ZNF131: variants seen among roughly 807,000 people sequenced by gnomAD.
ZNF131 encodes zinc finger and BTB domain containing 35.
In ZNF131, 7 loss-of-function variants were observed where a neutral mutation model predicts 60.0. The ratio of observed to expected loss-of-function variants is 0.12; its 90% CI spans 0.07 to 0.22. The LOEUF is 0.22. Ranked by LOEUF, ZNF131 falls within the 10% of genes least tolerant of loss-of-function variation. ZNF131 has a pLI of 1.00. For synonymous variants in ZNF131, 257 were observed against 253.2 expected, an observed-to-expected ratio of 1.01 and a Z score of -0.14; for missense variants, 493 against 740.9, an observed-to-expected ratio of 0.67 and a Z score of 3.88.
chr5:43,169,888 T>G (rs1750774241), intron 5 of ZNF131, among the ~76,000 whole-genome samples: 1 of 151,980 alleles, frequency 6.6e-6, no homozygotes, highest in Non-Finnish European at 1.5e-5. Context: ...TCTTCTGGTT[T>G]CAAGCAATTC....
At chr5:43,142,150 G>A (rs1266510631) in intron 4 of ZNF131, among the ~76,000 whole-genome samples, 4 of 151,728 alleles carry the variant, frequency 2.6e-5, no homozygotes, top group Non-Finnish European at 1.5e-5. Flanking sequence ...GACCAGCCTG[G>A]CCAAGACGGT....
chr5:43,147,935 TTCCA>T (rs1251418500), intron 4 of ZNF131, among the ~76,000 whole-genome samples: 1 of 151,272 alleles, frequency 6.6e-6, no homozygotes, highest in South Asian at 2.1e-4. Flanking sequence ...GCACCTGTAA[TTCCA>T]GCTACTTGGG....
chr5:43,127,675 G>A (rs965466182), intron 3 of ZNF131, among the ~76,000 whole-genome samples: 1 of 152,224 alleles, frequency 6.6e-6, no homozygotes, highest in African/African-American at 2.4e-5. Context: ...CCTGGTTAAA[G>A]TAAGTTACCT....
chr5:43,139,936 C>G (rs1299681788), intron 4 of ZNF131, among the ~76,000 whole-genome samples: 1 of 152,164 alleles, frequency 6.6e-6, no homozygotes, highest in Non-Finnish European at 1.5e-5. Context: ...AAACATTAGG[C>G]CAGGCCCAGT....
chr5:43,132,264 A>G (rs1409496397), intron 3 of ZNF131, among the ~76,000 whole-genome samples: 1 of 152,230 alleles, frequency 6.6e-6, no homozygotes, highest in Non-Finnish European at 1.5e-5. Context: ...ACAAGGAGAA[A>G]AAATACAAAG....
Position 43,175,118 on chromosome 5 carries a change from G to T in ZNF131, c.1857G>T (p.Leu619=). 1 of 1,604,726 alleles carries T rather than the reference G, an allele frequency of 6.2e-7. No homozygotes were observed. Among genetic ancestry groups the T allele is most frequent in the Non-Finnish European group, 8.5e-7 (1 of 1,176,978 alleles). ...CAGAGAATGAGGACAGAACAGCTCTGCCAGTTTTAGAATGAAATTACACAT... is the reference window on the plus strand; with the variant it reads ...CAGAGAATGAGGACAGAACAGCTCTTCCAGTTTTAGAATGAAATTACACAT... ...EKAENEDRTA[L]PVLE The change falls in exon 7 of 7, where the codon CTG becomes CTT. Residue 619 remains leucine (L), a synonymous_variant. Coordinates refer to ENST00000682664, the MANE Select transcript of ZNF131 (RefSeq NM_001330707.2).
In ZNF131 at chr5:43,135,815, A is replaced by G. The variant is rs574700402; in HGVS notation, c.227-3350A>G. ...TTGTCCATACAGATTGAGCATCTCA[A>G]ATTTGAAAATCTGAACTGCTTGCCA... On this transcript the variant is annotated intron_variant, in intron 3 of 6. Transcript: ENST00000682664. 2.0e-5 allele frequency among the ~76,000 whole-genome samples: 3 copies of G among 150,750 alleles called. No individual in the cohort carries two copies. In the East Asian group the frequency reaches 6.0e-4, roughly 30 times the overall value.
chr5:43,124,289 A>G (rs1366699179), intron 3 of ZNF131: 1 of 152,170 alleles, frequency 6.6e-6, no homozygotes, highest in Admixed American at 6.5e-5. Flanking sequence ...AATCTAAAAC[A>G]GCAGGAAATA....
rs1048045704 is a variant in ZNF131, at chr5:43,174,907, A to G, written c.1646A>G (p.Asn549Ser). 4.3e-6 allele frequency: 7 copies of G among 1,614,058 alleles called. No individual in the cohort carries two copies. Among genetic ancestry groups the G allele is most frequent in the East Asian group, 2.2e-5 (1 of 44,892 alleles). ...HVEELHVERV[N>S]QMPVEVQTEL... ...GAGGAGCTGCATGTTGAACGGGTCA[A>G]TCAAATGCCAGTGGAAGTACAAACT... Residue 549 changes from asparagine (N) to serine (S), a missense_variant, in exon 7 of 7, where the codon AAT becomes AGT. Around this residue, in one of 7 missense-constraint regions of ZNF131, gnomAD observed 202 missense variants for 221.3 expected, o/e 0.91. Transcript: ENST00000682664.
Position 43,175,183 on chromosome 5 carries a change from A to G in ZNF131, c.*50A>G. On this transcript the variant is annotated 3_prime_UTR_variant, in exon 7 of 7. Coordinates refer to ENST00000682664, the MANE Select transcript of ZNF131 (RefSeq NM_001330707.2). ...ATTTACTTGTTGGGTTTTTGAACTG[A>G]TTATGGGCAGTTTGACTGTCCTTAA... The G allele has an allele frequency of 6.6e-7, 1 of 1,508,640 alleles. No individual in the cohort carries two copies. The highest frequency in any genetic ancestry group is 1.3e-5 in the South Asian group (1 of 75,766). 93.5% of individuals were successfully genotyped at this position (1,508,640 alleles called of 1,614,324 possible). A position where few individuals can be genotyped will look rare whatever the true frequency, so the allele number is the denominator to read the frequency against.
Position 43,150,420 on chromosome 5 carries a change from G to GTAT in ZNF131, c.372-10825_372-10823dup, listed in dbSNP as rs550906406. On this transcript the variant is annotated intron_variant, in intron 4 of 6. Coordinates refer to ENST00000682664, the MANE Select transcript of ZNF131 (RefSeq NM_001330707.2). ...TGTCTTGTTCCATATCCTTGTTTCT[G>GTAT]TATTATCCTGGCTGGTACTGAATTT... Among the ~76,000 whole-genome samples, 353 of 152,276 alleles carry GTAT rather than the reference G, an allele frequency of 2.3e-3. 3 individuals are homozygous for GTAT. Among genetic ancestry groups the GTAT allele is most frequent in the African/African-American group, 8.2e-3 (341 of 41,568 alleles).
At chr5:43,122,760 A>G (rs998718111) in intron 2 of ZNF131, among the ~76,000 whole-genome samples, 3 of 152,296 alleles carry the variant, frequency 2.0e-5, no homozygotes, top group South Asian at 4.1e-4. Flanking sequence ...TGGGTCTACC[A>G]TAGATGGAGC....
chr5:43,160,163 G>A (rs185484918), intron 4 of ZNF131, among the ~76,000 whole-genome samples: 162 of 147,296 alleles, frequency 1.1e-3, no homozygotes, highest in African/African-American at 3.8e-3. Context: ...GTGACAGAGC[G>A]AGACTCCATC....
chr5:43,143,921 T>C, intron 4 of ZNF131, among the ~76,000 whole-genome samples: 1 of 125,868 alleles, frequency 7.9e-6, no homozygotes. Flanking sequence ...TTTTTTTTTT[T>C]TTTTTTTTTT....
intron 4 of ZNF131, among the ~76,000 whole-genome samples, chr5:43,157,119 C>T (rs1033569064): frequency 2.9e-4 from 44 of 152,196 alleles, no homozygotes; most frequent in African/African-American, 1.0e-3. Flanking sequence ...GAGTTTGTCT[C>T]AAAGACATCT....
chr5:43,175,062 A>C lies in ZNF131; in HGVS notation c.1801A>C (p.Lys601Gln). 6.2e-7 allele frequency: 1 copy of C among 1,614,206 alleles called. No individual in the cohort carries two copies. Among genetic ancestry groups the C allele is most frequent in the Non-Finnish European group, 8.5e-7 (1 of 1,180,036 alleles). ...DHEDAEDLET[K>Q]PTVDSEAEKA... is the part of the protein sequence containing the mutation. ...CGAAGATGCTGAGGATTTAGAGACCAAGCCAACAGTGGATTCTGAAGCAGA... is the reference window on the plus strand; with the variant it reads ...CGAAGATGCTGAGGATTTAGAGACCCAGCCAACAGTGGATTCTGAAGCAGA... The change falls in exon 7 of 7, where the codon AAG becomes CAG. Residue 601 changes from lysine (K) to glutamine (Q), a missense_variant. Coordinates refer to ENST00000682664, the MANE Select transcript of ZNF131 (RefSeq NM_001330707.2).
At chr5:43,151,846 G>C (rs765432492) in intron 4 of ZNF131, among the ~76,000 whole-genome samples, 11 of 152,080 alleles carry the variant, frequency 7.2e-5, no homozygotes, top group Non-Finnish European at 1.6e-4. Context: ...GCAATTGTTC[G>C]TGCCTCCAAA....
At chr5:43,140,343 T>A (rs1489058098) in intron 4 of ZNF131, among the ~76,000 whole-genome samples, 1 of 152,262 alleles carries the variant, frequency 6.6e-6, no homozygotes, top group Non-Finnish European at 1.5e-5. Context: ...TCAGTTTCCC[T>A]GGGTTAACAT....
intron 4 of ZNF131, among the ~76,000 whole-genome samples, chr5:43,140,208 A>C (rs2112261673): frequency 6.6e-6 from 1 of 152,304 alleles, no homozygotes; most frequent in East Asian, 1.9e-4. Flanking sequence ...TAGGGGGAAC[A>C]AAGTGAGACC....
Sources: gnomAD v4.1 joint callset for allele counts (sites outside exome capture counted in the v4.1 genomes callset) on GRCh38, gnomAD v4.1.1 for gene constraint, gnomAD v4.1.1 regional missense constraint, MANE v1.5 for transcripts, NCBI Gene and HGNC (gene_info 2026-07-23, HGNC 2026-07-21) for gene names.